Variants in RASGEF1C observed in about 807,000 individuals in gnomAD.
The protein encoded by RASGEF1C is RasGEF domain family member 1C, also known as ras-GEF domain-containing family member 1C.
Under a neutral mutation model 58.1 loss-of-function variants are expected in RASGEF1C, and 27 were observed. The ratio of observed to expected loss-of-function variants is 0.46; its 90% CI spans 0.34 to 0.64. The LOEUF (loss-of-function observed/expected upper bound fraction) is 0.64. RASGEF1C is among the 30% of genes least tolerant of loss of function. The probability of loss-of-function intolerance (pLI) is 0.01; values close to 1 mark genes in which losing one functional copy is unlikely to be tolerated. For missense variants in RASGEF1C, 502 were observed against 605.1 expected (o/e 0.83, Z 1.79); for synonymous variants, 243 against 246.3 (o/e 0.99, Z 0.13).
intron 1 of RASGEF1C, among the ~76,000 whole-genome samples, chr5:180,187,167 A>G (rs1465814245): frequency 6.6e-6 from 1 of 152,210 alleles, no homozygotes; most frequent in Non-Finnish European, 1.5e-5. Flanking sequence ...CATTAATTCA[A>G]TGAGGGAAAA....
intron 1 of RASGEF1C, among the ~76,000 whole-genome samples, chr5:180,160,435 G>A (rs2113300292): frequency 6.6e-6 from 1 of 152,220 alleles, no homozygotes; most frequent in East Asian, 1.9e-4. Flanking sequence ...CGCTGCAGAG[G>A]GTGTCCCCTC....
intron 12 of RASGEF1C, among the ~76,000 whole-genome samples, chr5:180,107,190 A>G (rs1765886079): frequency 6.6e-6 from 1 of 152,180 alleles, no homozygotes; most frequent in Non-Finnish European, 1.5e-5. Flanking sequence ...GATAGCCTAT[A>G]GTTGGATCAT....
intron 1 of RASGEF1C, among the ~76,000 whole-genome samples, chr5:180,191,656 A>G (rs1263408448): frequency 1.3e-5 from 2 of 152,188 alleles, no homozygotes; most frequent in Non-Finnish European, 2.9e-5. Context: ...GCGCCCGGCC[A>G]CAGTGGCTTA....
At chr5:180,131,000 C>G (rs886702350) in intron 4 of RASGEF1C, among the ~76,000 whole-genome samples, 2 of 152,126 alleles carry the variant, frequency 1.3e-5, no homozygotes, top group African/African-American at 2.4e-5. Context: ...CCTCATGCCC[C>G]TCTAGGCCAT....
At chr5:180,140,570 G>A (rs1219576209) in intron 1 of RASGEF1C, among the ~76,000 whole-genome samples, 2 of 152,204 alleles carry the variant, frequency 1.3e-5, no homozygotes, top group African/African-American at 4.8e-5. Flanking sequence ...GGTCAGAGCT[G>A]CTGCTACCAG....
chr5:180,206,986 T>C (rs1756500386), intron 1 of RASGEF1C, among the ~76,000 whole-genome samples: 1 of 152,240 alleles, frequency 6.6e-6, no homozygotes, highest in Non-Finnish European at 1.5e-5. Context: ...TAAGGATAGC[T>C]TTTTAATAGT....
At chr5:180,134,949 A>G (rs1766444795) in intron 4 of RASGEF1C, among the ~76,000 whole-genome samples, 1 of 71,552 alleles carries the variant, frequency 1.4e-5, no homozygotes. Context: ...CTATCCAATT[A>G]CCCAGTCACC....
intron 13 of RASGEF1C, 51 bp from the exon 14 acceptor site, chr5:180,101,576 C>A: frequency 6.2e-7 from 1 of 1,601,936 alleles, no homozygotes; most frequent in South Asian, 1.1e-5. Flanking sequence ...CTCCCCACCC[C>A]AGTTAGACTG....
rs572094275 is a variant in RASGEF1C at position 180,198,927 on chromosome 5, T to C, written c.-7+10101A>G. 1.3e-5 allele frequency among the ~76,000 whole-genome samples: 2 copies of C among 149,542 alleles called. No individual in the cohort carries two copies. The highest frequency in any genetic ancestry group is 4.3e-4 in the South Asian group (2 of 4,692). ...GGTCCAGGCCTTGAGGCTGGAGGAG[T>C]GAGGAAGTAGGAGAAAGCCCCCAGG... On this transcript the variant is annotated intron_variant, in intron 1 of 13. Transcript: ENST00000361132. The surrounding 1 kb of genome is among the most constrained non-coding windows in gnomAD (Gnocchi z 4.5).
At chr5:180,121,477 A>C (rs1193633888) in intron 6 of RASGEF1C, among the ~76,000 whole-genome samples, 10 of 151,998 alleles carry the variant, frequency 6.6e-5, no homozygotes, top group South Asian at 2.1e-4. Flanking sequence ...CCACGCCCAG[A>C]GAATTTTTTG....
intron 1 of RASGEF1C, among the ~76,000 whole-genome samples, chr5:180,207,915 C>T (rs1480313634): frequency 1.3e-5 from 2 of 152,228 alleles, no homozygotes; most frequent in African/African-American, 4.8e-5. Context: ...ACTGCATGTT[C>T]TTCCCAGCAC....
At chr5:180,115,396 C>A in intron 10 of RASGEF1C, 1 of 363,538 alleles carries the variant, frequency 2.8e-6, no homozygotes, top group Non-Finnish European at 5.4e-6. Context: ...TCTTGCTCCA[C>A]TGCCTGAAGG....
Position 180,197,915 on chromosome 5 carries a change from C to T in RASGEF1C, c.-7+11113G>A, listed in dbSNP as rs567588599. The stretch of plus-strand genomic sequence containing the variant: ...TTCCAAGAGTCTGCACTGCGTCCCA[C>T]GCTTAGCGACATCCAATGCACGTAA... On this transcript the variant is annotated intron_variant, in intron 1 of 13. Transcript: ENST00000361132. This position sits in a 1 kb window ranked among gnomAD's most constrained non-coding sequence, Gnocchi z 4.7. Among the ~76,000 whole-genome samples, 4 of 152,234 alleles carry T rather than the reference C, an allele frequency of 2.6e-5. No homozygotes were observed. The highest frequency in any genetic ancestry group is 9.6e-5 in the African/African-American group (4 of 41,462).
At chr5:180,128,796 G>A (rs1250108060) in intron 4 of RASGEF1C, among the ~76,000 whole-genome samples, 186 bp from the exon 5 acceptor site, 2 of 152,248 alleles carry the variant, frequency 1.3e-5, no homozygotes, top group Non-Finnish European at 2.9e-5. Flanking sequence ...ATCCCGGCCA[G>A]GGTGGGGCCA....
chr5:180,129,216 G>A (rs1342907136), intron 4 of RASGEF1C, among the ~76,000 whole-genome samples: 1 of 152,234 alleles, frequency 6.6e-6, no homozygotes, highest in Non-Finnish European at 1.5e-5. Context: ...CTGGGAGGCA[G>A]TGTGCCGACC....
chr5:180,189,923 C>CAAA (rs71001085), intron 1 of RASGEF1C, among the ~76,000 whole-genome samples: 9,822 of 37,354 alleles, frequency 0.26, 1,897 homozygotes, highest in East Asian at 0.36. Flanking sequence ...AACTCCATCT[C>CAAA]AAAAAAAAAA....
At chr5:180,182,184 A>C (rs112971968) in intron 1 of RASGEF1C, among the ~76,000 whole-genome samples, 1 of 130,290 alleles carries the variant, frequency 7.7e-6, no homozygotes. Context: ...CAGCCTGGGC[A>C]ACAGAGCAAG....
chr5:180,185,247 C>T (rs1411236879), intron 1 of RASGEF1C, among the ~76,000 whole-genome samples: 2 of 149,186 alleles, frequency 1.3e-5, no homozygotes, highest in Admixed American at 1.4e-4. Context: ...AGCGAGATCG[C>T]GCCACTGCAC....
chr5:180,154,792 A>C (rs996480641), intron 1 of RASGEF1C, among the ~76,000 whole-genome samples: 1 of 152,002 alleles, frequency 6.6e-6, no homozygotes, highest in East Asian at 1.9e-4. Flanking sequence ...TGTGTTAGCC[A>C]GGATGGTCTC....
Sources: allele counts gnomAD v4.1 joint callset (sites outside exome capture counted in the v4.1 genomes callset), GRCh38; gene constraint gnomAD v4.1.1; non-coding constraint Gnocchi (gnomAD v3.1); transcripts MANE v1.5; gene names NCBI Gene and HGNC (gene_info 2026-07-23, HGNC 2026-07-21).